The following PLA2G12A variants were observed in gnomAD, a reference collection of about 807,000 sequenced individuals.
The protein encoded by PLA2G12A is phospholipase A2 group XIIA.
Under a neutral mutation model 16.0 loss-of-function variants are expected in PLA2G12A, and 11 were observed. The ratio of observed to expected loss-of-function variants is 0.69; its 90% confidence interval spans 0.43 to 1.13. The LOEUF (loss-of-function observed/expected upper bound fraction) is 1.13. Among genes scored for constraint, PLA2G12A ranks in the 50% most tolerant of loss-of-function variants. The pLI is 0.00. For missense variants in PLA2G12A, 214 were observed against 237.3 expected (o/e 0.90, Z 0.65); for synonymous variants, 77 against 93.8 (o/e 0.82, Z 1.03).
chr4:109,729,468 C>G, intron 1 of PLA2G12A, 134 bp downstream of exon 1: 1 of 922,002 alleles, frequency 1.1e-6, no homozygotes, highest in African/African-American at 1.7e-5. Flanking sequence ...AAGATTCTAG[C>G]AGTGGTTAAG....
intron 1 of PLA2G12A, among the ~76,000 whole-genome samples, chr4:109,721,398 C>T (rs185963794): frequency 0.014 from 2,039 of 150,390 alleles, 26 homozygotes; most frequent in South Asian, 0.027. Flanking sequence ...CTTGGCTCAT[C>T]GCAACCTCTG....
rs1299889910 is a variant in PLA2G12A, at chr4:109,710,808, G to A, written c.*3569C>T. 1 of 152,162 alleles carries A rather than the reference G, an allele frequency of 6.6e-6. No homozygotes were observed. The highest frequency in any genetic ancestry group is 1.5e-5 in the Non-Finnish European group (1 of 68,046). 9.4% of individuals were successfully genotyped at this position (152,162 alleles called of 1,614,324 possible). Reference sequence around the variant, plus strand: ...ATAAGTATTACTGGACTAGTCTACAGGTTCACTGAAAGAAAGGCTACCTGT... The same window carrying A: ...ATAAGTATTACTGGACTAGTCTACAAGTTCACTGAAAGAAAGGCTACCTGT... On this transcript the variant is annotated 3_prime_UTR_variant, in exon 4 of 4. Transcript: ENST00000243501.
intron 1 of PLA2G12A, among the ~76,000 whole-genome samples, chr4:109,723,171 A>G (rs1327797822): frequency 6.6e-6 from 1 of 151,936 alleles, no homozygotes; most frequent in Non-Finnish European, 1.5e-5. Flanking sequence ...AGCCTAACAC[A>G]GTATGTTTCA....
chr4:109,721,655 G>C (rs1730946870), intron 1 of PLA2G12A, among the ~76,000 whole-genome samples: 1 of 152,068 alleles, frequency 6.6e-6, no homozygotes, highest in Non-Finnish European at 1.5e-5. Flanking sequence ...TTTATGACTT[G>C]GCTTCCTACT....
chr4:109,725,147 C>G (rs556440086), intron 1 of PLA2G12A, among the ~76,000 whole-genome samples: 1 of 152,094 alleles, frequency 6.6e-6, no homozygotes, highest in East Asian at 1.9e-4. Context: ...ACACAGTGGG[C>G]ACCCAATAAA....
At position 109,717,438 on chromosome 4, in the gene PLA2G12A, T is replaced by A. The variant is rs886195978; in HGVS notation, c.451+110A>T. On this transcript the variant is annotated intron_variant, in intron 3 of 3. Coordinates refer to ENST00000243501, the MANE Select transcript of PLA2G12A (RefSeq NM_030821.5). The stretch of plus-strand genomic sequence containing the variant: ...CAGAAAATTGAAGTCTGTGTCACAA[T>A]AGATAATATATGTGAAAGATTTCTA... 2.6e-6 allele frequency: 3 copies of A among 1,165,136 alleles called. No homozygotes were observed. The African/African-American group carries it at 4.6e-5, about 18-fold the overall frequency. The allele number at this position is 1,165,136 out of a possible 1,614,324, so 72.2% of individuals were successfully genotyped here.
In PLA2G12A at chr4:109,720,089, A is replaced by T. The variant is rs76784465; in HGVS notation, c.209-1330T>A. The stretch of plus-strand genomic sequence containing the variant: ...CTGTGAAATGACATCAATTGTTAAG[A>T]CATTCTTCTGCTTTCTTTTAAGTTC... On this transcript the variant is annotated intron_variant, in intron 1 of 3. Coordinates refer to ENST00000243501, the MANE Select transcript of PLA2G12A (RefSeq NM_030821.5). 3.8e-3 allele frequency among the ~76,000 whole-genome samples: 573 copies of T among 152,354 alleles called. 7 individuals are homozygous for T. Among genetic ancestry groups the T allele is most frequent in the African/African-American group, 0.013 (533 of 41,584 alleles).
Position 109,730,054 on chromosome 4 carries a change from G to A in PLA2G12A, c.-245C>T, listed in dbSNP as rs1353164744. 2.4e-6 allele frequency: 1 copy of A among 421,552 alleles called. No homozygotes were observed. The highest frequency in any genetic ancestry group is 4.2e-6 in the Non-Finnish European group (1 of 239,426). The allele number at this position is 421,552 out of a possible 1,614,324, so 26.1% of individuals were successfully genotyped here. On this transcript the variant is annotated 5_prime_UTR_variant, in exon 1 of 4. Coordinates refer to ENST00000243501, the MANE Select transcript of PLA2G12A (RefSeq NM_030821.5). ...CCAGCGCGCCCGCTCACCTGGGCCA[G>A]CAACCGTCCCCTGTGCGCCTGCGCC...
chr4:109,727,531 T>A (rs1722965592), intron 1 of PLA2G12A, among the ~76,000 whole-genome samples: 1 of 152,194 alleles, frequency 6.6e-6, no homozygotes, highest in Non-Finnish European at 1.5e-5. Context: ...CTGAGGCATA[T>A]AACATTTCTT....
Position 109,729,594 on chromosome 4 carries a change from C to T in PLA2G12A, c.208+8G>A, listed in dbSNP as rs769794528. On this transcript the variant is annotated splice_region_variant and intron_variant, in intron 1 of 3. Coordinates refer to ENST00000243501, the MANE Select transcript of PLA2G12A (RefSeq NM_030821.5). Reference sequence around the variant, plus strand: ...ACGAGCCCTCGCTGGGCCCGGGTGCCCCCTCACCGTCACTGCATTTATACT... The same window carrying T: ...ACGAGCCCTCGCTGGGCCCGGGTGCTCCCTCACCGTCACTGCATTTATACT... 2 of 1,603,894 alleles carry T rather than the reference C, an allele frequency of 1.2e-6. No individual in the cohort carries two copies. Among genetic ancestry groups the T allele is most frequent in the East Asian group, 2.2e-5 (1 of 44,602 alleles).
At position 109,729,789 on chromosome 4, in the gene PLA2G12A, G is replaced by C. The variant is rs745981565; in HGVS notation, c.21C>G (p.Pro7=). The change falls in exon 1 of 4, where the codon CCC becomes CCG. Residue 7 remains proline (P), a synonymous_variant. Coordinates refer to ENST00000243501, the MANE Select transcript of PLA2G12A (RefSeq NM_030821.5). MALLSR[P]ALTLLLLLMA... ...TGAGGAGGAGCAGGAGGGTGAGCGC[G>C]GGGCGCGAGAGCAGGGCCATGCGCG... 3.2e-6 allele frequency: 5 copies of C among 1,555,734 alleles called. No individual in the cohort carries two copies. The highest frequency in any genetic ancestry group is 2.7e-5 in the African/African-American group (2 of 73,356).
rs1730854092 is a variant in PLA2G12A, at chr4:109,717,725, A to G, written c.286-12T>C. ...ATACCAATGTTAAGCTGCAAAAGGC[A>G]TTTGGATGGATTACTGTCAATGAAA... is the stretch of plus-strand genomic sequence containing the variant. On this transcript the variant is annotated splice_polypyrimidine_tract_variant and intron_variant, in intron 2 of 3. Transcript: ENST00000243501. 6.2e-7 allele frequency: 1 copy of G among 1,612,186 alleles called. No homozygotes were observed. The highest frequency in any genetic ancestry group is 1.3e-5 in the African/African-American group (1 of 75,034).
chr4:109,725,514 T>C (rs1722916883), intron 1 of PLA2G12A, among the ~76,000 whole-genome samples: 1 of 152,186 alleles, frequency 6.6e-6, no homozygotes, highest in Non-Finnish European at 1.5e-5. Flanking sequence ...CAGAGTAACA[T>C]CAAAACACCA....
chr4:109,714,427 T>C lies in PLA2G12A; in HGVS notation c.520A>G (p.Ser174Gly). 6.2e-7 allele frequency: 1 copy of C among 1,614,160 alleles called. No individual in the cohort carries two copies. The highest frequency in any genetic ancestry group is 8.5e-7 in the Non-Finnish European group (1 of 1,179,996). The change falls in exon 4 of 4, where the codon AGC becomes GGC. Residue 174 changes from serine to glycine, a missense_variant. By Grantham distance (56) the Ser-to-Gly change is moderately conservative. Transcript: ENST00000243501. ...TGACACCTGCATGCGGCTCGTTGGC[T>C]GTCCAGATATGGTTTACAACCTAAA... ...IHLGCKPYLDSQRAACRCHYE... is the reference protein window; with the variant it reads ...IHLGCKPYLDGQRAACRCHYE...
At chr4:109,727,092 C>G (rs1180311411) in intron 1 of PLA2G12A, among the ~76,000 whole-genome samples, 1 of 151,726 alleles carries the variant, frequency 6.6e-6, no homozygotes, top group African/African-American at 2.4e-5. Flanking sequence ...AGAGACTGCT[C>G]GAGTAACAGC....
At chr4:109,720,100 CTTTCT>C (rs1272517755) in intron 1 of PLA2G12A, among the ~76,000 whole-genome samples, 7 of 152,284 alleles carry the variant, frequency 4.6e-5, no homozygotes, top group African/African-American at 9.6e-5. Context: ...CATTCTTCTG[CTTTCT>C]TTTAAGTTCT....
intron 1 of PLA2G12A, among the ~76,000 whole-genome samples, chr4:109,726,182 T>C (rs1579126999): frequency 7.6e-6 from 1 of 131,154 alleles, no homozygotes; most frequent in Non-Finnish European, 1.7e-5. Flanking sequence ...AACTACCCCC[T>C]CTCACTTACC....
chr4:109,720,599 AAAAAAATATATATATATATATATATAT>A (rs1402104954), intron 1 of PLA2G12A, among the ~76,000 whole-genome samples: 5 of 26,226 alleles, frequency 1.9e-4, no homozygotes, highest in South Asian at 3.2e-3. Context: ...AAAAAAAAAA[AAAAAAATATATATATATATATATATAT>A]ATATATATAT....
At chr4:109,717,520 C>T in intron 3 of PLA2G12A, 28 bp downstream of exon 3, 1 of 1,601,208 alleles carries the variant, frequency 6.2e-7, no homozygotes, top group Non-Finnish European at 8.5e-7. Flanking sequence ...AAAGTACACT[C>T]ATCCCCAAGC....
Sources: allele counts gnomAD v4.1 joint callset (sites outside exome capture counted in the v4.1 genomes callset), GRCh38; gene constraint gnomAD v4.1.1; transcripts MANE v1.5; gene names NCBI Gene and HGNC (gene_info 2026-07-23, HGNC 2026-07-21).